PSD3: variants seen among roughly 807,000 people sequenced by gnomAD.
PSD3 encodes the protein pleckstrin and Sec7 domain containing 3.
PSD3 carries 49 observed loss-of-function variants against 105.5 expected under a neutral mutation model. The observed-to-expected ratio is 0.46, with a 90% confidence interval of 0.37 to 0.59. The LOEUF (loss-of-function observed/expected upper bound fraction) is 0.59, where lower values mean the gene tolerates loss of function less well. PSD3 is among the 20% of genes least tolerant of loss of function. The pLI, the probability that PSD3 is intolerant of heterozygous loss-of-function variation, is 0.00. For synonymous variants in PSD3, 557 were observed against 457.8 expected, an observed-to-expected ratio of 1.22 and a Z score of -2.77; for missense variants, 1,561 against 1,263.8, an observed-to-expected ratio of 1.24 and a Z score of -3.57.
At chr8:18,628,714 G>T (rs1411429046) in intron 11 of PSD3, among the ~76,000 whole-genome samples, 1 of 151,886 alleles carries the variant, frequency 6.6e-6, no homozygotes, top group Non-Finnish European at 1.5e-5. Flanking sequence ...TGCTATAAGG[G>T]TCTCAAACCA....
chr8:19,048,760 C>G (rs1828415178), intron 1 of PSD3, among the ~76,000 whole-genome samples: 1 of 152,294 alleles, frequency 6.6e-6, no homozygotes, highest in Admixed American at 6.5e-5. Flanking sequence ...ATGAAGCTTC[C>G]TCATTTTACA....
intron 2 of PSD3, among the ~76,000 whole-genome samples, chr8:18,882,085 G>C (rs1361708226): frequency 2.6e-5 from 4 of 152,064 alleles, no homozygotes; most frequent in African/African-American, 9.7e-5. Flanking sequence ...GTGTGTGCCT[G>C]TGCTCCCAGC....
At chr8:19,071,742 C>A (rs991583375) in intron 1 of PSD3, among the ~76,000 whole-genome samples, 2 of 151,948 alleles carry the variant, frequency 1.3e-5, no homozygotes, top group African/African-American at 4.8e-5. Flanking sequence ...ATTTTTGAGA[C>A]GGAGTTTCAC....
At chr8:18,696,586 T>C (rs1801274543) in intron 9 of PSD3, among the ~76,000 whole-genome samples, 1 of 152,192 alleles carries the variant, frequency 6.6e-6, no homozygotes, top group Middle Eastern at 3.2e-3. Context: ...AATTCAGATA[T>C]TACTAATTGC....
chr8:18,707,012 C>T (rs991575553), intron 9 of PSD3, among the ~76,000 whole-genome samples: 9 of 152,238 alleles, frequency 5.9e-5, no homozygotes, highest in African/African-American at 2.2e-4. Flanking sequence ...CAGGATTTTC[C>T]ATACTGCATT....
At position 18,998,210 on chromosome 8, in the gene PSD3, G is replaced by A. The variant is rs539850678; in HGVS notation, c.21+15353C>T. Among the ~76,000 whole-genome samples the A allele has an allele frequency of 4.6e-5, 7 of 152,032 alleles. No homozygotes were observed. The East Asian group carries it at 1.2e-3, about 25-fold the overall frequency. The stretch of plus-strand genomic sequence containing the variant: ...GTATTTTAAATAAGTCACTTGGTAT[G>A]CACATATATTCAGATACCGTGGAAA... On this transcript the variant is annotated intron_variant, in intron 1 of 15. Transcript: ENST00000327040.
At chr8:18,560,175 T>TACACAC (rs5889808) in intron 14 of PSD3, among the ~76,000 whole-genome samples, 2,084 of 143,416 alleles carry the variant, frequency 0.015, 30 homozygotes, top group African/African-American at 0.038. Context: ...ATACACATTT[T>TACACAC]ACACACACAC....
chr8:18,922,277 T>C (rs17127442), intron 2 of PSD3, among the ~76,000 whole-genome samples: 33,808 of 151,994 alleles, frequency 0.22, 3,904 homozygotes, highest in East Asian at 0.42. Context: ...TGTAAGTCAA[T>C]AAAAGGCAAG....
chr8:18,852,001 C>T (rs533206015), intron 4 of PSD3, among the ~76,000 whole-genome samples: 24 of 152,280 alleles, frequency 1.6e-4, no homozygotes, highest in Admixed American at 3.9e-4. Context: ...CATCAGGTGA[C>T]GTAAACTAAT....
rs1405671874 is a variant in PSD3, at chr8:18,535,782, G to A, written c.3105C>T (p.His1035=). 6.2e-7 allele frequency: 1 copy of A among 1,614,116 alleles called. No individual in the cohort carries two copies. The highest frequency in any genetic ancestry group is 8.5e-7 in the Non-Finnish European group (1 of 1,179,990). ...GCTTAATGCTTGGTGTTTCAGGTCG[G>A]TGATCCTTCCTCTCTGACACGTTAC... is the stretch of plus-strand genomic sequence containing the variant. The part of the protein sequence containing the change: ...VKRNVSERKD[H]RPETPSIKQK... Residue 1035 remains histidine, a synonymous_variant, in exon 16 of 16, where the codon CAC becomes CAT. Coordinates refer to ENST00000327040, the MANE Select transcript of PSD3 (RefSeq NM_015310.4).
chr8:18,782,935 T>C (rs1422578110), intron 8 of PSD3, among the ~76,000 whole-genome samples: 3 of 152,234 alleles, frequency 2.0e-5, no homozygotes, highest in East Asian at 3.8e-4. Flanking sequence ...ATTAGGTTTG[T>C]TTTAGAATGC....
At chr8:18,585,528 G>C (rs764522188) in intron 12 of PSD3, among the ~76,000 whole-genome samples, 10 of 152,074 alleles carry the variant, frequency 6.6e-5, no homozygotes, top group Non-Finnish European at 1.5e-4. Flanking sequence ...ATGTTGCCCA[G>C]GCTGGTCTTG....
chr8:18,630,584 C>T (rs923110719), intron 11 of PSD3, among the ~76,000 whole-genome samples: 9 of 151,934 alleles, frequency 5.9e-5, no homozygotes, highest in African/African-American at 1.9e-4. Context: ...ACCTGTCTAG[C>T]AGGAAGTAGT....
chr8:18,536,898 T>C (rs1211459049), intron 15 of PSD3, among the ~76,000 whole-genome samples: 1 of 152,214 alleles, frequency 6.6e-6, no homozygotes, highest in Admixed American at 6.5e-5. Context: ...ATGAAGAATT[T>C]ATAGAAAGCT....
chr8:18,921,754 C>G (rs1014617412), intron 2 of PSD3, among the ~76,000 whole-genome samples: 1 of 152,176 alleles, frequency 6.6e-6, no homozygotes, highest in African/African-American at 2.4e-5. Flanking sequence ...ACTATGTATG[C>G]AGAGGCCATA....
intron 12 of PSD3, among the ~76,000 whole-genome samples, chr8:18,587,499 C>G (rs182518749): frequency 1.1e-3 from 168 of 152,290 alleles, no homozygotes; most frequent in African/African-American, 3.8e-3. Flanking sequence ...GTTTGCCACT[C>G]TTTGAATATG....
intron 9 of PSD3, among the ~76,000 whole-genome samples, chr8:18,674,329 A>T (rs1799954360): frequency 1.3e-5 from 2 of 152,034 alleles, no homozygotes; most frequent in Admixed American, 1.3e-4. Flanking sequence ...GGACAGATTG[A>T]TCTATTTCTT....
chr8:18,691,086 A>G (rs1800949084), intron 9 of PSD3, among the ~76,000 whole-genome samples: 1 of 152,180 alleles, frequency 6.6e-6, no homozygotes, highest in Non-Finnish European at 1.5e-5. Context: ...TTCCTGGAGC[A>G]TCACACGCTT....
chr8:18,971,003 A>C lies in PSD3; in HGVS notation c.22-34861T>G, dbSNP rs145379196. 5.5e-4 allele frequency among the ~76,000 whole-genome samples: 83 copies of C among 152,052 alleles called. 1 individual carries two copies. The highest frequency in any genetic ancestry group is 1.9e-3 in the African/African-American group (78 of 41,460). On this transcript the variant is annotated intron_variant, in intron 1 of 15. Transcript: ENST00000327040. ...CAAGAAAAAAAAAAAAAGACAAAAA[A>C]TTCCTAACTGCCACATAAATAGCAA...
Sources: allele counts gnomAD v4.1 joint callset (sites outside exome capture counted in the v4.1 genomes callset), GRCh38; gene constraint gnomAD v4.1.1; transcripts MANE v1.5; gene names NCBI Gene and HGNC (gene_info 2026-07-23, HGNC 2026-07-21).